Variants in TMPRSS12 observed in about 807,000 individuals in gnomAD.
TMPRSS12 encodes the protein transmembrane serine protease 12.
Under a neutral mutation model 26.0 loss-of-function variants are expected in TMPRSS12, and 25 were observed. The ratio of observed to expected loss-of-function variants is 0.96; its 90% CI spans 0.70 to 1.34. The LOEUF is 1.34. Among genes scored for constraint, TMPRSS12 ranks in the 40% most tolerant of loss-of-function variants. TMPRSS12 has a pLI of 0.00. For synonymous variants in TMPRSS12, 150 were observed against 161.7 expected (o/e 0.93, Z 0.55); for missense variants, 441 against 440.1 (o/e 1.00, Z -0.02).
intron 2 of TMPRSS12, chr12:50,847,875 G>GA (rs1446457720): frequency 6.6e-6 from 1 of 151,736 alleles, no homozygotes; most frequent in Non-Finnish European, 1.5e-5. Context: ...GAAAGAGCGA[G>GA]ACTTCATCTC....
Position 50,878,566 on chromosome 12 carries a change from G to A in TMPRSS12, c.653-6680G>A, listed in dbSNP as rs577457477. ...GCACTTCAGTCTTGGGTAACACAAT[G>A]AGACCATCTCTAAAAAAATTAATTT... On this transcript the variant is annotated intron_variant, in intron 3 of 4. Transcript: ENST00000398458. 2.0e-5 allele frequency among the ~76,000 whole-genome samples: 3 copies of A among 152,198 alleles called. No individual in the cohort carries two copies. The South Asian group carries it at 6.2e-4, about 32-fold the overall frequency.
chr12:50,847,119 C>T lies in TMPRSS12; in HGVS notation c.383+3082C>T, dbSNP rs1447735625. ...TGTTGCCCAGGCTGGAGTGCAGTGG[C>T]GCGATCTCGGCTCACTGCAAGCTCC... On this transcript the variant is annotated intron_variant, in intron 2 of 4. Coordinates refer to ENST00000398458, the MANE Select transcript of TMPRSS12 (RefSeq NM_182559.3). Among the ~76,000 whole-genome samples, 5 of 130,912 alleles carry T rather than the reference C, an allele frequency of 3.8e-5. No individual in the cohort carries two copies. In the South Asian group the frequency reaches 7.2e-4, roughly 19 times the overall value. 85.9% of individuals were successfully genotyped at this position (130,912 alleles called of 152,430 possible). A position where few individuals can be genotyped will look rare whatever the true frequency, so the allele number is the denominator to read the frequency against.
intron 2 of TMPRSS12, among the ~76,000 whole-genome samples, chr12:50,848,659 A>T (rs1344373446): frequency 6.6e-6 from 1 of 152,140 alleles, no homozygotes; most frequent in Non-Finnish European, 1.5e-5. Flanking sequence ...GAATTATCTG[A>T]TTATCCCAAC....
Position 50,861,547 on chromosome 12 carries a change from TTAA to T in TMPRSS12, c.652+2502_652+2504del, listed in dbSNP as rs1260551405. Among the ~76,000 whole-genome samples the T allele has an allele frequency of 2.0e-5, 3 of 152,288 alleles. No homozygotes were observed. The South Asian group carries it at 6.2e-4, about 32-fold the overall frequency. On this transcript the variant is annotated intron_variant, in intron 3 of 4. Transcript: ENST00000398458. Reference sequence around the variant, plus strand: ...TGACCATGGGCATGTTATTGACTCTTTAATAATAATTAGAACAATAATAGAAGC... The same window carrying T: ...TGACCATGGGCATGTTATTGACTCTTTAATAATTAGAACAATAATAGAAGC...
chr12:50,883,106 C>T (rs750964681), intron 3 of TMPRSS12, among the ~76,000 whole-genome samples: 24 of 152,074 alleles, frequency 1.6e-4, no homozygotes, highest in African/African-American at 5.6e-4. Flanking sequence ...AATTAGGAGG[C>T]TTGCTTGAGG....
chr12:50,852,494 T>C (rs1317098315), intron 2 of TMPRSS12, among the ~76,000 whole-genome samples: 2 of 152,248 alleles, frequency 1.3e-5, no homozygotes, highest in Non-Finnish European at 2.9e-5. Flanking sequence ...CACTGCAACC[T>C]CTGCCGCCCA....
At chr12:50,885,066 A>G (rs548781454) in intron 3 of TMPRSS12, among the ~76,000 whole-genome samples, 180 bp from the exon 4 acceptor site, 4 of 152,100 alleles carry the variant, frequency 2.6e-5, no homozygotes, top group Non-Finnish European at 5.9e-5. Flanking sequence ...ACAAACATTT[A>G]GGTAAACATT....
intron 3 of TMPRSS12, among the ~76,000 whole-genome samples, chr12:50,876,414 TA>T (rs533361031): frequency 2.2e-4 from 34 of 152,264 alleles, no homozygotes; most frequent in Admixed American, 1.4e-3. Flanking sequence ...CAAAGGAATA[TA>T]AATCATTCTA....
intron 3 of TMPRSS12, among the ~76,000 whole-genome samples, chr12:50,866,587 C>G (rs538611530): frequency 9.4e-4 from 143 of 151,460 alleles, no homozygotes; most frequent in African/African-American, 3.3e-3. Flanking sequence ...CTTGAGAGTT[C>G]TAGGGCCCTG....
intron 2 of TMPRSS12, among the ~76,000 whole-genome samples, chr12:50,845,246 T>C (rs2139718019): frequency 6.6e-6 from 1 of 152,352 alleles, no homozygotes; most frequent in South Asian, 2.1e-4. Flanking sequence ...GTTCCCATCC[T>C]TTTTGACCTC....
At chr12:50,843,562 T>C (rs1278178064) in intron 1 of TMPRSS12, among the ~76,000 whole-genome samples, 3 of 152,316 alleles carry the variant, frequency 2.0e-5, no homozygotes, top group African/African-American at 7.2e-5. Context: ...CAGGGAAGAA[T>C]GTGATACGTG....
At chr12:50,870,328 T>A (rs1165568992) in intron 3 of TMPRSS12, among the ~76,000 whole-genome samples, 1 of 65,888 alleles carries the variant, frequency 1.5e-5, no homozygotes, top group Non-Finnish European at 3.1e-5. Flanking sequence ...AAACACTACA[T>A]ACACAGAATT....
At chr12:50,879,779 G>C (rs1205720472) in intron 3 of TMPRSS12, among the ~76,000 whole-genome samples, 3 of 152,050 alleles carry the variant, frequency 2.0e-5, no homozygotes, top group African/African-American at 7.2e-5. Context: ...ACCAGCCTGG[G>C]CAACATGGCA....
intron 4 of TMPRSS12, chr12:50,886,845 A>G (rs1938231240): frequency 6.3e-6 from 1 of 158,022 alleles, no homozygotes; most frequent in Non-Finnish European, 1.4e-5. Context: ...ACACGTGCCT[A>G]AAAGAATCCT....
In TMPRSS12 at chr12:50,887,634, T is replaced by C. The variant is rs1358810943; in HGVS notation, c.*121T>C. On this transcript the variant is annotated 3_prime_UTR_variant, in exon 5 of 5. Transcript: ENST00000398458. The stretch of plus-strand genomic sequence containing the variant: ...CTACATTAGAGATTTCATGTGAACA[T>C]TTTATGGGCTATAAGTATTGTGACA... 2 of 1,260,262 alleles carry C rather than the reference T, an allele frequency of 1.6e-6. No individual in the cohort carries two copies. The highest frequency in any genetic ancestry group is 1.5e-5 in the South Asian group (1 of 66,638). The allele number at this position is 1,260,262 out of a possible 1,614,324, so 78.1% of individuals were successfully genotyped here.
At position 50,847,521 on chromosome 12, in the gene TMPRSS12, T is replaced by C. The variant is rs930459219; in HGVS notation, c.383+3484T>C. 2.0e-4 allele frequency among the ~76,000 whole-genome samples: 30 copies of C among 151,876 alleles called. 1 individual carries two copies. Among genetic ancestry groups the C allele is most frequent in the African/African-American group, 7.0e-4 (29 of 41,312 alleles). ...GAGAGGGAGTTTCGCTCTTGTTGCCTAGGCTGGAGTGCTACAAGAAGACAT... is the reference window on the plus strand; with the variant it reads ...GAGAGGGAGTTTCGCTCTTGTTGCCCAGGCTGGAGTGCTACAAGAAGACAT... On this transcript the variant is annotated intron_variant, in intron 2 of 4. Coordinates refer to ENST00000398458, the MANE Select transcript of TMPRSS12 (RefSeq NM_182559.3).
chr12:50,879,264 A>G (rs1248607238), intron 3 of TMPRSS12, among the ~76,000 whole-genome samples: 1 of 152,210 alleles, frequency 6.6e-6, no homozygotes, highest in African/African-American at 2.4e-5. Flanking sequence ...ATGATTTCTT[A>G]GGACACCAAA....
chr12:50,846,655 T>A (rs1266935032), intron 2 of TMPRSS12, among the ~76,000 whole-genome samples: 1 of 152,182 alleles, frequency 6.6e-6, no homozygotes, highest in East Asian at 1.9e-4. Context: ...CTCAGCTCAC[T>A]GCAACCTCCA....
intron 3 of TMPRSS12, among the ~76,000 whole-genome samples, chr12:50,872,225 C>A (rs769855017): frequency 4.6e-5 from 7 of 152,150 alleles, no homozygotes; most frequent in Non-Finnish European, 8.8e-5. Context: ...GTTAAAGAAA[C>A]TGTGAAGGCC....
Sources: allele counts gnomAD v4.1 joint callset (sites outside exome capture counted in the v4.1 genomes callset), GRCh38; gene constraint gnomAD v4.1.1; transcripts MANE v1.5; gene names NCBI Gene and HGNC (gene_info 2026-07-23, HGNC 2026-07-21).